SMC6: variants seen among roughly 807,000 people sequenced by gnomAD.
SMC6 encodes structural maintenance of chromosomes protein 6.
SMC6 carries 79 observed loss-of-function variants against 142.2 expected under a neutral mutation model. That is an observed-to-expected ratio of 0.56 (90% CI 0.46 to 0.67). The LOEUF is 0.67. SMC6 is among the 30% of genes least tolerant of loss of function. The pLI is 0.00. For missense variants in SMC6, 1,072 were observed against 1,284.0 expected, an observed-to-expected ratio of 0.83 and a Z score of 2.52; for synonymous variants, 411 against 412.4, an observed-to-expected ratio of 1.00 and a Z score of 0.04.
intron 16 of SMC6, 106 bp downstream of exon 16, chr2:17,714,755 C>A: frequency 8.4e-7 from 1 of 1,184,218 alleles, no homozygotes; most frequent in Non-Finnish European, 1.2e-6. Context: ...TGAAATTTTA[C>A]AAATCAGTGG....
At position 17,670,472 on chromosome 2, in the gene SMC6, G is replaced by C; in HGVS notation, c.3014C>G (p.Ser1005Cys). Residue 1005 changes from serine (S) to cysteine (C), a missense_variant, in exon 26 of 28, where the codon TCC becomes TGC. This residue lies in a region of SMC6 where 76 missense variants were observed against 112.3 expected (regional missense o/e 0.68). Coordinates refer to ENST00000448223, the MANE Select transcript of SMC6 (RefSeq NM_001142286.2). ...GCATCTGAAAGGAGATTCTGCGATG[G>C]ACCACAGGGAAAGAATAAAACACAC... ...STVCFILSLW[S>C]IAESPFRCLD... The C allele has an allele frequency of 1.2e-6, 2 of 1,613,606 alleles. No homozygotes were observed. Among genetic ancestry groups the C allele is most frequent in the Non-Finnish European group, 1.7e-6 (2 of 1,179,776 alleles).
intron 15 of SMC6, 128 bp downstream of exon 15, chr2:17,715,958 T>A (rs979582212): frequency 1.1e-5 from 9 of 816,502 alleles, no homozygotes; most frequent in Non-Finnish European, 1.6e-5. Flanking sequence ...AAACGAAAGC[T>A]ACAAAGCTTT....
chr2:17,689,227 G>C (rs1397103660), intron 23 of SMC6, among the ~76,000 whole-genome samples: 1 of 151,998 alleles, frequency 6.6e-6, no homozygotes, highest in African/African-American at 2.4e-5. Context: ...TAGCATCCTG[G>C]CCAAGAACAC....
intron 15 of SMC6, 137 bp from the exon 16 acceptor site, chr2:17,715,202 T>G: frequency 1.3e-6 from 1 of 781,348 alleles, no homozygotes; most frequent in Non-Finnish European, 2.0e-6. Flanking sequence ...GATCATTTAA[T>G]CATAGTTTAT....
intron 23 of SMC6, among the ~76,000 whole-genome samples, chr2:17,690,467 G>T (rs755309993): frequency 6.6e-6 from 1 of 151,984 alleles, no homozygotes; most frequent in Non-Finnish European, 1.5e-5. Context: ...GGTGGTGCAC[G>T]CCTGTAATCC....
chr2:17,666,511 C>T lies in SMC6; in HGVS notation c.3070G>A (p.Val1024Ile). ...LDEFDVYMDM[V>I]NRRIAMDLIL... ...AAGTCCATGGCAATTCTCCTATTAA[C>T]CATATCCTGAAAAACAAAGGCAAAA... is the stretch of plus-strand genomic sequence containing the variant. Residue 1024 changes from valine to isoleucine, a missense_variant, in exon 27 of 28, where the codon GTT (valine) becomes ATT (isoleucine). Coordinates refer to ENST00000448223, the MANE Select transcript of SMC6 (RefSeq NM_001142286.2). 1.2e-6 allele frequency: 2 copies of T among 1,613,076 alleles called. No individual in the cohort carries two copies. Among genetic ancestry groups the T allele is most frequent in the Non-Finnish European group, 1.7e-6 (2 of 1,179,320 alleles).
chr2:17,712,906 A>G (rs898297438), intron 16 of SMC6, among the ~76,000 whole-genome samples: 2 of 152,228 alleles, frequency 1.3e-5, no homozygotes, highest in African/African-American at 4.8e-5. Flanking sequence ...CACAACTCCA[A>G]CAACTTGTGT....
In SMC6 at chr2:17,665,315, C is replaced by A; in HGVS notation, c.*184G>T. 1.3e-5 allele frequency: 5 copies of A among 390,164 alleles called. No homozygotes were observed. The highest frequency in any genetic ancestry group is 1.8e-5 in the Non-Finnish European group (4 of 220,634). The allele number at this position is 390,164 out of a possible 1,614,324, so 24.2% of individuals were successfully genotyped here. A position where few individuals can be genotyped will look rare whatever the true frequency, so the allele number is the denominator to read the frequency against. On this transcript the variant is annotated 3_prime_UTR_variant, in exon 28 of 28. Transcript: ENST00000448223. ...TTGATTTTCTTAAAGTAATAGTAAT[C>A]TTAAATTGCAGGTTGTAGTTGGTTT...
intron 25 of SMC6, among the ~76,000 whole-genome samples, chr2:17,672,869 G>A (rs1010600398): frequency 1.3e-5 from 2 of 152,070 alleles, no homozygotes; most frequent in South Asian, 2.1e-4. Context: ...TCAGTTTTGG[G>A]CTATGATAAA....
chr2:17,739,845 G>GAGAC (rs780449781), intron 4 of SMC6, among the ~76,000 whole-genome samples: 1 of 110,486 alleles, frequency 9.1e-6, no homozygotes, highest in African/African-American at 3.2e-5. Flanking sequence ...CACACACACA[G>GAGAC]ACACACACAC....
intron 20 of SMC6, among the ~76,000 whole-genome samples, chr2:17,701,026 C>T (rs1009129782): frequency 1.9e-5 from 2 of 104,354 alleles, no homozygotes; most frequent in Non-Finnish European, 3.7e-5. Flanking sequence ...AGTGATACTC[C>T]GTCTCAAAAT....
At chr2:17,749,251 T>C (rs1164825842) in intron 2 of SMC6, among the ~76,000 whole-genome samples, 4 of 152,158 alleles carry the variant, frequency 2.6e-5, no homozygotes, top group Non-Finnish European at 5.9e-5. Flanking sequence ...GGATTTTCAA[T>C]TTATCCATAA....
chr2:17,742,233 A>C (rs1212370929), intron 3 of SMC6, among the ~76,000 whole-genome samples: 1 of 152,184 alleles, frequency 6.6e-6, no homozygotes. Context: ...ATACCTCTGA[A>C]AGATGACGAT....
intron 4 of SMC6, among the ~76,000 whole-genome samples, chr2:17,739,879 AACACACACAC>A (rs60784309): frequency 0.026 from 3,033 of 115,498 alleles, 42 homozygotes; most frequent in Non-Finnish European, 0.029. Context: ...GAATATGGTA[AACACACACAC>A]ACACACACAC....
rs746117966 is a variant in SMC6 at position 17,721,235 on chromosome 2, A to G, written c.753T>C (p.Cys251=). 1.2e-6 allele frequency: 2 copies of G among 1,605,308 alleles called. No individual in the cohort carries two copies. The highest frequency in any genetic ancestry group is 1.7e-6 in the Non-Finnish European group (2 of 1,177,712). Residue 251 remains cysteine (C), a synonymous_variant, in exon 10 of 28, where the codon TGT becomes TGC. Transcript: ENST00000448223. ...TTTGAAAACGTTCCTCTTTCTCTAC[A>G]CACTGGCGCTTTAGTTCAGTAAGCC... ...EERLTELKRQ[C]VEKEERFQSI... is the part of the protein sequence containing the mutation.
intron 17 of SMC6, among the ~76,000 whole-genome samples, chr2:17,708,306 A>C (rs1668652299): frequency 6.6e-6 from 1 of 152,110 alleles, no homozygotes; most frequent in Non-Finnish European, 1.5e-5. Context: ...AAGTAGAATA[A>C]TACAGATATC....
At chr2:17,705,505 CTGCAG>C (rs1298145633) in intron 18 of SMC6, among the ~76,000 whole-genome samples, 5 of 149,752 alleles carry the variant, frequency 3.3e-5, no homozygotes, top group Admixed American at 6.6e-5. Context: ...GAGGCAGAGG[CTGCAG>C]TGAGCCAAGA....
In SMC6 at chr2:17,699,047, C is replaced by A. The variant is rs146427534; in HGVS notation, c.2394+1161G>T. Among the ~76,000 whole-genome samples, 647 of 152,148 alleles carry A rather than the reference C, an allele frequency of 4.3e-3. 7 individuals carry two copies. The highest frequency in any genetic ancestry group is 0.015 in the African/African-American group (604 of 41,546). On this transcript the variant is annotated intron_variant, in intron 21 of 27. Coordinates refer to ENST00000448223, the MANE Select transcript of SMC6 (RefSeq NM_001142286.2). ...ATTATCTCAGATATTATAATTTTTGCTAGCCTTCTAAACATAATTTTTAAA... is the reference window on the plus strand; with the variant it reads ...ATTATCTCAGATATTATAATTTTTGATAGCCTTCTAAACATAATTTTTAAA...
At chr2:17,669,266 G>A in intron 26 of SMC6, among the ~76,000 whole-genome samples, 1 of 152,286 alleles carries the variant, frequency 6.6e-6, no homozygotes, top group East Asian at 1.9e-4. Context: ...CAACCTCGGG[G>A]CTGCTGAATT....
Sources: gnomAD v4.1 joint callset for allele counts (sites outside exome capture counted in the v4.1 genomes callset) on GRCh38, gnomAD v4.1.1 for gene constraint, gnomAD v4.1.1 regional missense constraint, MANE v1.5 for transcripts, NCBI Gene and HGNC (gene_info 2026-07-23, HGNC 2026-07-21) for gene names.